Variants in TRIM60 observed in about 807,000 individuals in gnomAD.
TRIM60 encodes tripartite motif containing 60, also known as tripartite motif-containing protein 60.
For missense variants in TRIM60, 524 were observed against 540.8 expected (o/e 0.97, Z 0.31); for synonymous variants, 189 against 195.2 (o/e 0.97, Z 0.27).
chr4:165,041,358 A>C lies in TRIM60; in HGVS notation c.1286A>C (p.Tyr429Ser), dbSNP rs781170081. The change falls in exon 3 of 3, where the codon TAT (tyrosine) becomes TCT (serine). Residue 429 changes from tyrosine to serine, a missense_variant. By Grantham distance (144) the Tyr-to-Ser change is moderately radical. Transcript: ENST00000512596. Reference protein sequence around the residue: ...LDYELGDLSFYNMNDRSILYT... With the variant: ...LDYELGDLSFSNMNDRSILYT... ...TATGAATTGGGTGATCTTTCCTTTT[A>C]TAATATGAATGATAGGTCTATTCTC... 5 of 1,614,134 alleles carry C rather than the reference A, an allele frequency of 3.1e-6. No individual in the cohort carries two copies. Among genetic ancestry groups the C allele is most frequent in the Non-Finnish European group, 4.2e-6 (5 of 1,179,968 alleles).
rs1560909174 is a variant in TRIM60 at position 165,040,087 on chromosome 4, A to G, written c.15A>G (p.Thr5=). The part of the protein sequence containing the change: MEFV[T]ALVNLQEESS... Reference sequence around the variant, plus strand: ...TTCGCAGCTCGATGGAGTTTGTGACAGCCCTGGTGAACCTCCAAGAGGAGT... The same window carrying G: ...TTCGCAGCTCGATGGAGTTTGTGACGGCCCTGGTGAACCTCCAAGAGGAGT... The change falls in exon 3 of 3, where the codon ACA becomes ACG. Residue 5 remains threonine (T), a synonymous_variant. Transcript: ENST00000512596. 2.5e-6 allele frequency: 4 copies of G among 1,612,246 alleles called. No homozygotes were observed. Among genetic ancestry groups the G allele is most frequent in the Non-Finnish European group, 3.4e-6 (4 of 1,179,810 alleles).
rs1243069644 is a variant in TRIM60, at chr4:165,041,341, G to A, written c.1269G>A (p.Leu423=). 5.0e-6 allele frequency: 8 copies of A among 1,613,972 alleles called. No homozygotes were observed. Among genetic ancestry groups the A allele is most frequent in the Non-Finnish European group, 6.8e-6 (8 of 1,180,006 alleles). ...SKIGIFLDYE[L]GDLSFYNMND... ...TTGGTATTTTTCTGGACTATGAATT[G>A]GGTGATCTTTCCTTTTATAATATGA... is the stretch of plus-strand genomic sequence containing the variant. The change falls in exon 3 of 3, where the codon TTG becomes TTA. Residue 423 remains leucine, a synonymous_variant. Coordinates refer to ENST00000512596, the MANE Select transcript of TRIM60 (RefSeq NM_152620.3).
At chr4:165,038,860 A>G (rs1028673417) in intron 1 of TRIM60, among the ~76,000 whole-genome samples, 2 of 151,884 alleles carry the variant, frequency 1.3e-5, no homozygotes. Flanking sequence ...AGATCACATG[A>G]GGTCAGGAGT....
rs1733514711 is a variant in TRIM60, at chr4:165,032,132, G to A, written c.-57+20G>A. ...CTCCAGGTAAGCTGGGAGGGCCGCA[G>A]GAAAGGCGCAGTAGGGCCTGGCGGG... On this transcript the variant is annotated intron_variant, in intron 1 of 2. Coordinates refer to ENST00000512596, the MANE Select transcript of TRIM60 (RefSeq NM_152620.3). The A allele has an allele frequency of 6.6e-6, 1 of 152,524 alleles. No individual in the cohort carries two copies. Among genetic ancestry groups the A allele is most frequent in the South Asian group, 2.1e-4 (1 of 4,844 alleles). The allele number at this position is 152,524 out of a possible 1,614,324, so 9.4% of individuals were successfully genotyped here. A position where few individuals can be genotyped will look rare whatever the true frequency, so the allele number is the denominator to read the frequency against.
intron 1 of TRIM60, among the ~76,000 whole-genome samples, chr4:165,037,187 G>A (rs566988906): frequency 1.3e-5 from 2 of 152,138 alleles, no homozygotes; most frequent in South Asian, 4.2e-4. Context: ...GGCAACGAGA[G>A]CAAAACTGTC....
At position 165,041,074 on chromosome 4, in the gene TRIM60, T is replaced by G. The variant is rs768397321; in HGVS notation, c.1002T>G (p.Tyr334Ter). The change falls in exon 3 of 3, where the codon TAT becomes TAG. Residue 334 changes from tyrosine to a stop codon, truncating the protein, a stop_gained. Coordinates refer to ENST00000512596, the MANE Select transcript of TRIM60 (RefSeq NM_152620.3). LOFTEE classifies it low-confidence loss of function (END_TRUNC). Reference protein sequence around the residue: ...RNICYDPRRFYVCPAVLGSQR... With the variant: ...RNICYDPRRF ...TTTGTTATGACCCAAGGAGATTTTA[T>G]GTCTGCCCTGCTGTCCTAGGCTCTC... 2.5e-6 allele frequency: 4 copies of G among 1,614,248 alleles called. No homozygotes were observed. In the Admixed American group the frequency reaches 5.0e-5, roughly 20 times the overall value.
In TRIM60 at chr4:165,034,432, G is replaced by A. The variant is rs549191179; in HGVS notation, c.-57+2320G>A. On this transcript the variant is annotated intron_variant, in intron 1 of 2. Transcript: ENST00000512596. Reference sequence around the variant, plus strand: ...CTCCCAAAGTGCTGGGATTACAGGCGTGAGCCACTGCGCCCGTCCATGAAA... The same window carrying A: ...CTCCCAAAGTGCTGGGATTACAGGCATGAGCCACTGCGCCCGTCCATGAAA... Among the ~76,000 whole-genome samples the A allele has an allele frequency of 5.3e-5, 8 of 152,268 alleles. 1 individual carries two copies. In the South Asian group the frequency reaches 1.5e-3, roughly 28 times the overall value.
chr4:165,038,098 C>T (rs1417377544), intron 1 of TRIM60, among the ~76,000 whole-genome samples: 5 of 152,086 alleles, frequency 3.3e-5, no homozygotes, highest in Admixed American at 1.3e-4. Flanking sequence ...GATTGATGAG[C>T]AGCAGATAGG....
At chr4:165,035,478 G>A (rs1051276365) in intron 1 of TRIM60, among the ~76,000 whole-genome samples, 2 of 152,212 alleles carry the variant, frequency 1.3e-5, no homozygotes, top group African/African-American at 2.4e-5. Context: ...TCCGCTCTGC[G>A]TGATGTCACA....
At position 165,038,816 on chromosome 4, in the gene TRIM60, G is replaced by A. The variant is rs189546385; in HGVS notation, c.-56-385G>A. ...AGGCCAGGTGCGGTGGCTCACACCT[G>A]TAATTCCAGCACTTTGGGGAGGCCA... is the stretch of plus-strand genomic sequence containing the variant. On this transcript the variant is annotated intron_variant, in intron 1 of 2. Coordinates refer to ENST00000512596, the MANE Select transcript of TRIM60 (RefSeq NM_152620.3). Among the ~76,000 whole-genome samples the A allele has an allele frequency of 1.3e-5, 2 of 151,786 alleles. 1 individual carries two copies. Among genetic ancestry groups the A allele is most frequent in the South Asian group, 4.2e-4 (2 of 4,806 alleles).
intron 1 of TRIM60, among the ~76,000 whole-genome samples, chr4:165,035,762 G>T (rs569120697): frequency 1.3e-5 from 2 of 148,570 alleles, no homozygotes; most frequent in African/African-American, 5.0e-5. Context: ...TGCTCCTGTT[G>T]CCCAGACTGG....
chr4:165,040,854 A>G lies in TRIM60; in HGVS notation c.782A>G (p.Asn261Ser). The G allele has an allele frequency of 4.3e-6, 7 of 1,613,670 alleles. No individual in the cohort carries two copies. The highest frequency in any genetic ancestry group is 5.9e-6 in the Non-Finnish European group (7 of 1,179,890). The change falls in exon 3 of 3, where the codon AAC (asparagine) becomes AGC (serine). Residue 261 changes from asparagine (N) to serine (S), a missense_variant. By Grantham distance (46) the Asn-to-Ser change is conservative. Transcript: ENST00000512596. ...QAKSMHHKYQ[N>S]LKCPELFSFR... is the part of the protein sequence containing the mutation. ...AAGAGTATGCACCACAAGTATCAAA[A>G]CCTAAAATGCCCTGAACTCTTTTCA...
chr4:165,036,108 A>G (rs973786484), intron 1 of TRIM60, among the ~76,000 whole-genome samples: 1 of 152,188 alleles, frequency 6.6e-6, no homozygotes, highest in Non-Finnish European at 1.5e-5. Context: ...TTGCCAGACA[A>G]GAGCCAAGTA....
chr4:165,040,879 A>G lies in TRIM60; in HGVS notation c.807A>G (p.Ser269=). Residue 269 remains serine, a synonymous_variant, in exon 3 of 3, where the codon TCA becomes TCG. Coordinates refer to ENST00000512596, the MANE Select transcript of TRIM60 (RefSeq NM_152620.3). ...YQNLKCPELF[S]FRLTKYGFSL... ...ACCTAAAATGCCCTGAACTCTTTTC[A>G]TTTAGATTAACAAAATATGGTTTCA... 6.2e-7 allele frequency: 1 copy of G among 1,612,876 alleles called. No individual in the cohort carries two copies.
At position 165,040,217 on chromosome 4, in the gene TRIM60, G is replaced by A. The variant is rs75136942; in HGVS notation, c.145G>A (p.Asp49Asn). 1 of 1,614,160 alleles carries A rather than the reference G, an allele frequency of 6.2e-7. No homozygotes were observed. The highest frequency in any genetic ancestry group is 8.5e-7 in the Non-Finnish European group (1 of 1,180,030). The stretch of plus-strand genomic sequence containing the variant: ...CAGTGTATCCTGGAAGGATCTAGAT[G>A]ATACCTTTCCCTGTCCTGTCTGCCG... ...CLSVSWKDLD[D>N]TFPCPVCRFC... Residue 49 changes from aspartate (D) to asparagine (N), a missense_variant, in exon 3 of 3, where the codon GAT becomes AAT. Coordinates refer to ENST00000512596, the MANE Select transcript of TRIM60 (RefSeq NM_152620.3).
At chr4:165,035,471 G>A (rs923602784) in intron 1 of TRIM60, among the ~76,000 whole-genome samples, 9 of 152,200 alleles carry the variant, frequency 5.9e-5, no homozygotes, top group Admixed American at 2.0e-4. Context: ...CCAAAAGTCC[G>A]CTCTGCGTGA....
chr4:165,041,304 A>G lies in TRIM60; in HGVS notation c.1232A>G (p.Lys411Arg). 6.2e-7 allele frequency: 1 copy of G among 1,614,178 alleles called. No individual in the cohort carries two copies. Among genetic ancestry groups the G allele is most frequent in the Admixed American group, 1.7e-5 (1 of 60,002 alleles). Residue 411 changes from lysine (K) to arginine (R), a missense_variant, in exon 3 of 3, where the codon AAA becomes AGA. Transcript: ENST00000512596. ...PKTTQLLPVV[K>R]PSKIGIFLDY... ...ACAACCCAGCTTCTGCCAGTAGTAA[A>G]ACCCAGTAAAATTGGTATTTTTCTG...
In TRIM60 at chr4:165,040,095, T is replaced by G; in HGVS notation, c.23T>G (p.Val8Gly). 1 of 1,612,688 alleles carries G rather than the reference T, an allele frequency of 6.2e-7. No homozygotes were observed. The highest frequency in any genetic ancestry group is 8.5e-7 in the Non-Finnish European group (1 of 1,179,904). The change falls in exon 3 of 3, where the codon GTG (valine) becomes GGG (glycine). Residue 8 changes from valine (V) to glycine (G), a missense_variant. Physicochemically the swap from Val to Gly is moderately radical, Grantham distance 109. Transcript: ENST00000512596. The stretch of plus-strand genomic sequence containing the variant: ...TCGATGGAGTTTGTGACAGCCCTGG[T>G]GAACCTCCAAGAGGAGTCTAGCTGT... MEFVTAL[V>G]NLQEESSCPI...
intron 2 of TRIM60, 107 bp from the exon 3 acceptor site, chr4:165,039,962 T>C: frequency 1.2e-6 from 1 of 842,348 alleles, no homozygotes. Flanking sequence ...CTAAACCTGA[T>C]CAATCTACAA....
Sources: gnomAD v4.1 joint callset for allele counts (sites outside exome capture counted in the v4.1 genomes callset) on GRCh38, gnomAD v4.1.1 for gene constraint, MANE v1.5 for transcripts, NCBI Gene and HGNC (gene_info 2026-07-23, HGNC 2026-07-21) for gene names.